The following SNAP47 variants were observed in gnomAD, a reference collection of about 807,000 sequenced individuals.
The protein encoded by SNAP47 is synaptosome associated protein 47, also known as synaptosomal-associated protein 47.
SNAP47 carries 20 observed loss-of-function variants against 31.4 expected under a neutral mutation model. The ratio of observed to expected loss-of-function variants is 0.64; its 90% CI spans 0.45 to 0.93. SNAP47 has a LOEUF of 0.93. SNAP47 is among the 40% of genes least tolerant of loss of function. The pLI, the probability that SNAP47 is intolerant of heterozygous loss-of-function variation, is 0.00. For missense variants in SNAP47, 492 were observed against 528.5 expected (o/e 0.93, Z 0.68); for synonymous variants, 194 against 213.4 (o/e 0.91, Z 0.79).
intron 3 of SNAP47, among the ~76,000 whole-genome samples, chr1:227,765,074 T>G (rs1338289885): frequency 2.6e-5 from 4 of 152,208 alleles, no homozygotes; most frequent in Non-Finnish European, 5.9e-5. Flanking sequence ...GCCCACATTG[T>G]AGCCAAGGAA....
intron 4 of SNAP47, among the ~76,000 whole-genome samples, chr1:227,771,761 A>G (rs1663827161): frequency 6.6e-6 from 1 of 150,376 alleles, no homozygotes; most frequent in Non-Finnish European, 1.5e-5. Context: ...AGGACCCAGG[A>G]CCCTGGGCTG....
intron 4 of SNAP47, among the ~76,000 whole-genome samples, chr1:227,769,521 C>T (rs1196289770): frequency 6.6e-6 from 1 of 152,054 alleles, no homozygotes; most frequent in African/African-American, 2.4e-5. Context: ...CACGAAACCC[C>T]CCTTCATCCA....
chr1:227,745,456 G>C (rs748427078), intron 1 of SNAP47, among the ~76,000 whole-genome samples: 1 of 152,220 alleles, frequency 6.6e-6, no homozygotes, highest in Non-Finnish European at 1.5e-5. Context: ...CTGAGAGCGG[G>C]TGTGTGGCAT....
chr1:227,735,425 C>T (rs1454962511), upstream of SNAP47: 2 of 1,539,392 alleles, frequency 1.3e-6, no homozygotes, highest in East Asian at 2.5e-5. Context: ...CGCGGCTCGC[C>T]GCGGTCTTCA....
intron 3 of SNAP47, among the ~76,000 whole-genome samples, chr1:227,765,296 G>A (rs1663322396): frequency 6.6e-6 from 1 of 152,228 alleles, no homozygotes; most frequent in African/African-American, 2.4e-5. Flanking sequence ...CGCAGGCTGG[G>A]CAGTTTGTGC....
upstream of SNAP47, among the ~76,000 whole-genome samples, chr1:227,730,032 G>GTTCCCA (rs1428085139): frequency 6.6e-6 from 1 of 152,182 alleles, no homozygotes; most frequent in Non-Finnish European, 1.5e-5. Context: ...TCTATGTGCA[G>GTTCCCA]CTCCCACGTA....
intron 2 of SNAP47, among the ~76,000 whole-genome samples, chr1:227,756,286 T>C (rs940924735): frequency 1.2e-4 from 18 of 152,278 alleles, no homozygotes; most frequent in African/African-American, 4.3e-4. Context: ...AGTTGTCACA[T>C]GAGCAGTGCG....
intron 2 of SNAP47, among the ~76,000 whole-genome samples, chr1:227,748,874 A>C (rs1662158218): frequency 6.6e-6 from 1 of 152,212 alleles, no homozygotes; most frequent in African/African-American, 2.4e-5. Flanking sequence ...TATGTCCAGA[A>C]AATTTCTTCA....
At chr1:227,734,441 A>C (rs13373816), upstream of SNAP47, 8,130 of 488,158 alleles carry the variant, frequency 0.017, 306 homozygotes, top group African/African-American at 0.096. Context: ...ATCTCTCTCA[A>C]AAAAAAAGGA....
At chr1:227,752,968 TGAGTTGTTGGTTCTCA>T (rs1352072165) in intron 2 of SNAP47, among the ~76,000 whole-genome samples, 1 of 152,134 alleles carries the variant, frequency 6.6e-6, no homozygotes. Flanking sequence ...AGTCCCAGAG[TGAGTTGTTGGTTCTCA>T]GAGTTGTTGG....
At chr1:227,735,393 G>C (rs761502341), upstream of SNAP47, 12 of 1,581,858 alleles carry the variant, frequency 7.6e-6, no homozygotes, top group Admixed American at 1.9e-4. Context: ...AGCGCCTGGG[G>C]CTCCGGGCCT....
upstream of SNAP47, chr1:227,735,225 C>T (rs757921934): frequency 4.4e-6 from 7 of 1,595,780 alleles, no homozygotes; most frequent in Admixed American, 1.7e-5. Flanking sequence ...ACATCGACCC[C>T]CAGGCCTCGG....
In SNAP47 at chr1:227,744,718, G is replaced by T. The variant is rs994934097; in HGVS notation, c.-45-2974G>T. Among the ~76,000 whole-genome samples, 11 of 152,324 alleles carry T rather than the reference G, an allele frequency of 7.2e-5. 1 individual carries two copies. Among genetic ancestry groups the T allele is most frequent in the African/African-American group, 2.2e-4 (9 of 41,582 alleles). Reference sequence around the variant, plus strand: ...GCAACGCCCTGGCAGTCATGAAACAGGTGGATTCAAGAAAACGGCAGGCCC... The same window carrying T: ...GCAACGCCCTGGCAGTCATGAAACATGTGGATTCAAGAAAACGGCAGGCCC... On this transcript the variant is annotated intron_variant, in intron 1 of 4. Transcript: ENST00000617596.
At chr1:227,774,184 G>C (rs73098903) in intron 4 of SNAP47, among the ~76,000 whole-genome samples, 3,625 of 152,298 alleles carry the variant, frequency 0.024, 140 homozygotes, top group African/African-American at 0.083. Flanking sequence ...TCTCTGCACT[G>C]GTCTCCTGGG....
intron 4 of SNAP47, chr1:227,776,435 A>C: frequency 1.0e-6 from 1 of 986,448 alleles, no homozygotes. Context: ...CTCATGTAGC[A>C]GGGACTCAAG....
intron 4 of SNAP47, among the ~76,000 whole-genome samples, chr1:227,777,638 G>A (rs1664240187): frequency 6.6e-6 from 1 of 152,192 alleles, no homozygotes; most frequent in African/African-American, 2.4e-5. Flanking sequence ...TGTCTATTGG[G>A]TTCAGTACAG....
chr1:227,756,935 A>G (rs1027796274), intron 2 of SNAP47, among the ~76,000 whole-genome samples: 2 of 152,242 alleles, frequency 1.3e-5, no homozygotes, highest in African/African-American at 4.8e-5. Flanking sequence ...AGGGAGCCCA[A>G]GAGGCAGGGA....
upstream of SNAP47, chr1:227,735,161 G>A: frequency 6.3e-7 from 1 of 1,580,838 alleles, no homozygotes; most frequent in East Asian, 2.3e-5. Context: ...GTAGGAGAAG[G>A]CGCCCGGCTC....
intron 3 of SNAP47, among the ~76,000 whole-genome samples, chr1:227,764,852 C>T (rs1464945372): frequency 2.0e-5 from 3 of 151,854 alleles, no homozygotes; most frequent in Non-Finnish European, 4.4e-5. Flanking sequence ...TGTGGTGAGC[C>T]GCGATCACAC....
Sources: gnomAD v4.1 joint callset for allele counts (sites outside exome capture counted in the v4.1 genomes callset) on GRCh38, gnomAD v4.1.1 for gene constraint, MANE v1.5 for transcripts, NCBI Gene and HGNC (gene_info 2026-07-23, HGNC 2026-07-21) for gene names.